Variants in ZNF462 observed in about 807,000 individuals in gnomAD.
The protein encoded by ZNF462 is zinc finger PBX1-interacting protein.
In ZNF462, 10 loss-of-function variants were observed where a neutral mutation model predicts 201.9. The observed-to-expected ratio is 0.05, with a 90% CI of 0.03 to 0.08. The LOEUF (loss-of-function observed/expected upper bound fraction) is 0.08. Among genes scored for constraint, ZNF462 ranks in the 10% least tolerant of loss-of-function variants. The pLI, the probability that ZNF462 is intolerant of heterozygous loss-of-function variation, is 1.00. For missense variants in ZNF462, 2,523 were observed against 3,168.3 expected (o/e 0.80, Z 4.89); for synonymous variants, 1,227 against 1,193.3 (o/e 1.03, Z -0.58).
In ZNF462 at chr9:107,003,209, A is replaced by G; in HGVS notation, c.7057-85A>G. 6.5e-7 allele frequency: 1 copy of G among 1,542,102 alleles called. No homozygotes were observed. The highest frequency in any genetic ancestry group is 1.3e-5 in the South Asian group (1 of 78,938). On this transcript the variant is annotated intron_variant, in intron 10 of 12. Transcript: ENST00000277225. This position sits in a 1 kb window ranked among gnomAD's most constrained non-coding sequence, Gnocchi z 4.4. ...GTTGCAAAACCACAGTCACAGGAAAATGATGTTAGAAAGATCTCTCCATCA... is the reference window on the plus strand; with the variant it reads ...GTTGCAAAACCACAGTCACAGGAAAGTGATGTTAGAAAGATCTCTCCATCA...
intron 7 of ZNF462, among the ~76,000 whole-genome samples, chr9:106,940,434 C>T (rs1393420039): frequency 6.6e-6 from 1 of 152,154 alleles, no homozygotes; most frequent in Non-Finnish European, 1.5e-5. Context: ...TCAACATGGT[C>T]TAATTCTCAG....
chr9:106,897,692 C>G (rs1286214735), intron 1 of ZNF462, among the ~76,000 whole-genome samples: 1 of 152,088 alleles, frequency 6.6e-6, no homozygotes, highest in Non-Finnish European at 1.5e-5. Context: ...ATAATATGCA[C>G]AAGGATATGA....
rs1418480372 is a variant in ZNF462, at chr9:106,974,490, A to G, written c.6832+217A>G. Reference sequence around the variant, plus strand: ...CTCCACCTGGAGGGAGGCAAAGGTGATGGATTCTGCAGTGAACATTTCCGT... The same window carrying G: ...CTCCACCTGGAGGGAGGCAAAGGTGGTGGATTCTGCAGTGAACATTTCCGT... On this transcript the variant is annotated intron_variant, in intron 9 of 12. Coordinates refer to ENST00000277225, the MANE Select transcript of ZNF462 (RefSeq NM_021224.6). The surrounding 1 kb of genome is among the most constrained non-coding windows in gnomAD (Gnocchi z 4.0). 1.1e-5 allele frequency: 7 copies of G among 657,612 alleles called. No homozygotes were observed. The highest frequency in any genetic ancestry group is 1.9e-5 in the Non-Finnish European group (7 of 375,008). The allele number at this position is 657,612 out of a possible 1,614,324, so 40.7% of individuals were successfully genotyped here. A position where few individuals can be genotyped will look rare whatever the true frequency, so the allele number is the denominator to read the frequency against.
At position 107,009,717 on chromosome 9, in the gene ZNF462, G is replaced by A; in HGVS notation, c.7313+49G>A. The A allele has an allele frequency of 7.2e-7, 1 of 1,389,234 alleles. No homozygotes were observed. Among genetic ancestry groups the A allele is most frequent in the Non-Finnish European group, 1.0e-6 (1 of 994,092 alleles). 86.1% of individuals were successfully genotyped at this position (1,389,234 alleles called of 1,614,324 possible). A position where few individuals can be genotyped will look rare whatever the true frequency, so the allele number is the denominator to read the frequency against. ...GCCTTTGTCCAAAGCAAGAGGTAGG[G>A]AGGGAGGGAGGGGCTCTTGTTTTGG... On this transcript the variant is annotated intron_variant, in intron 12 of 12. Coordinates refer to ENST00000277225, the MANE Select transcript of ZNF462 (RefSeq NM_021224.6). The surrounding 1 kb of genome is among the most constrained non-coding windows in gnomAD (Gnocchi z 6.1).
rs1225669195 is a variant in ZNF462 at position 106,920,634 on chromosome 9, T to A, written c.-30-2720T>A. Among the ~76,000 whole-genome samples the A allele has an allele frequency of 6.6e-6, 1 of 152,220 alleles. No homozygotes were observed. Among genetic ancestry groups the A allele is most frequent in the East Asian group, 1.9e-4 (1 of 5,198 alleles). ...TCTTTTTCCAAATCAGTGACTCTTT[T>A]TCTGATCTCATAACCCTTTAATCTC... On this transcript the variant is annotated intron_variant, in intron 1 of 12. Transcript: ENST00000277225. The surrounding 1 kb of genome is among the most constrained non-coding windows in gnomAD (Gnocchi z 4.3).
At chr9:106,956,097 A>G (rs1831560861) in intron 7 of ZNF462, among the ~76,000 whole-genome samples, 1 of 152,084 alleles carries the variant, frequency 6.6e-6, no homozygotes, top group African/African-American at 2.4e-5. Context: ...AAAGTGTTTT[A>G]TTTTACTTTG....
In ZNF462 at chr9:106,938,860, T is replaced by G. The variant is rs1230706202; in HGVS notation, c.6236-56T>G. 6.5e-7 allele frequency: 1 copy of G among 1,531,344 alleles called. No individual in the cohort carries two copies. Among genetic ancestry groups the G allele is most frequent in the Non-Finnish European group, 8.8e-7 (1 of 1,133,530 alleles). The allele number at this position is 1,531,344 out of a possible 1,614,324, so 94.9% of individuals were successfully genotyped here. A position where few individuals can be genotyped will look rare whatever the true frequency, so the allele number is the denominator to read the frequency against. On this transcript the variant is annotated intron_variant, in intron 6 of 12. Coordinates refer to ENST00000277225, the MANE Select transcript of ZNF462 (RefSeq NM_021224.6). This position sits in a 1 kb window ranked among gnomAD's most constrained non-coding sequence, Gnocchi z 4.4. ...GAGTTATCTTGTTTCCACCCTGGCC[T>G]TATACCCTTCTCCCCTCTTTTTCCT...
chr9:106,999,944 G>A (rs1439987023), intron 10 of ZNF462, among the ~76,000 whole-genome samples: 2 of 152,064 alleles, frequency 1.3e-5, no homozygotes, highest in East Asian at 1.9e-4. Context: ...ACTGGGGAGG[G>A]GCAGGCCATA....
At chr9:106,971,863 C>G in intron 7 of ZNF462, 142 bp from the exon 8 acceptor site, 1 of 1,013,872 alleles carries the variant, frequency 9.9e-7, no homozygotes, top group African/African-American at 1.6e-5. Context: ...TCTTGTACAC[C>G]TTAAGTATAA....
At chr9:106,915,811 G>A (rs1829748493) in intron 1 of ZNF462, among the ~76,000 whole-genome samples, 1 of 152,174 alleles carries the variant, frequency 6.6e-6, no homozygotes, top group Non-Finnish European at 1.5e-5. Flanking sequence ...TATCCTCACA[G>A]GGTAGTTATA....
chr9:106,870,574 A>G lies in ZNF462; in HGVS notation c.-31+7219A>G, dbSNP rs532566227. Among the ~76,000 whole-genome samples the G allele has an allele frequency of 1.1e-4, 17 of 152,222 alleles. No homozygotes were observed. Among genetic ancestry groups the G allele is most frequent in the African/African-American group, 2.4e-5 (1 of 41,438 alleles). On this transcript the variant is annotated intron_variant, in intron 1 of 12. Transcript: ENST00000277225. The surrounding 1 kb of genome is among the most constrained non-coding windows in gnomAD (Gnocchi z 4.3). ...TATTTGCTAGACCTTCACATAGACA[A>G]ATTTTAACAAAGACCACACCAGGAA...
At chr9:106,934,872 T>C (rs1444602127) in intron 5 of ZNF462, among the ~76,000 whole-genome samples, 1 of 152,144 alleles carries the variant, frequency 6.6e-6, no homozygotes, top group Non-Finnish European at 1.5e-5. Flanking sequence ...ACAGCAAACA[T>C]GGTTGTGTGT....
intron 10 of ZNF462, among the ~76,000 whole-genome samples, chr9:106,999,218 A>G (rs886098489): frequency 6.6e-6 from 1 of 152,138 alleles, no homozygotes; most frequent in African/African-American, 2.4e-5. Flanking sequence ...CTTTAGAGGA[A>G]ACAAGTGTGT....
At chr9:106,997,607 AT>A (rs1457138311) in intron 10 of ZNF462, among the ~76,000 whole-genome samples, 2 of 152,130 alleles carry the variant, frequency 1.3e-5, no homozygotes, top group African/African-American at 4.8e-5. Flanking sequence ...AGAATTCAAG[AT>A]TTTTTTACCT....
intron 1 of ZNF462, among the ~76,000 whole-genome samples, chr9:106,914,423 A>C (rs1370170199): frequency 6.6e-6 from 1 of 152,216 alleles, no homozygotes; most frequent in African/African-American, 2.4e-5. Flanking sequence ...AACTGCCTGC[A>C]GATACTGCCA....
At chr9:107,002,132 T>A (rs961102004) in intron 10 of ZNF462, among the ~76,000 whole-genome samples, 1 of 152,208 alleles carries the variant, frequency 6.6e-6, no homozygotes, top group African/African-American at 2.4e-5. Context: ...TGGAATTGTC[T>A]TGTAAATTAT....
rs1474704195 is a variant in ZNF462, at chr9:106,962,948, A to G, written c.6428-9057A>G. On this transcript the variant is annotated intron_variant, in intron 7 of 12. Coordinates refer to ENST00000277225, the MANE Select transcript of ZNF462 (RefSeq NM_021224.6). This position sits in a 1 kb window ranked among gnomAD's most constrained non-coding sequence, Gnocchi z 4.6. ...TTGGCCTGGAGATTTTCAAGGCATAATCAAAAGAAGGAAATAAAATAATGT... is the reference window on the plus strand; with the variant it reads ...TTGGCCTGGAGATTTTCAAGGCATAGTCAAAAGAAGGAAATAAAATAATGT... Among the ~76,000 whole-genome samples, 1 of 152,080 alleles carries G rather than the reference A, an allele frequency of 6.6e-6. No homozygotes were observed. The highest frequency in any genetic ancestry group is 2.4e-5 in the African/African-American group (1 of 41,442).
At chr9:106,991,838 C>CCACACACACACA (rs774752725) in intron 10 of ZNF462, among the ~76,000 whole-genome samples, 8 of 128,230 alleles carry the variant, frequency 6.2e-5, no homozygotes, top group Non-Finnish European at 1.0e-4. Flanking sequence ...ACAGCACTCT[C>CCACACACACACA]TACACACACA....
chr9:106,928,452 G>A lies in ZNF462; in HGVS notation c.4540G>A (p.Val1514Ile), dbSNP rs780560264. The change falls in exon 3 of 13, where the codon GTC becomes ATC. Residue 1514 changes from valine (V) to isoleucine (I), a missense_variant. Val to Ile is a conservative substitution (Grantham distance 29). Coordinates refer to ENST00000277225, the MANE Select transcript of ZNF462 (RefSeq NM_021224.6). The surrounding 1 kb of genome is among the most constrained non-coding windows in gnomAD (Gnocchi z 9.3). ...GGACATTGACATCAACCCAGGTGCC[G>A]TCTACAAATGCAGGCATTGCCCATA... ...AQDIDINPGA[V>I]YKCRHCPYIN... is the part of the protein sequence containing the mutation. The A allele has an allele frequency of 1.3e-5, 21 of 1,613,986 alleles. No homozygotes were observed. Among genetic ancestry groups the A allele is most frequent in the Middle Eastern group, 1.6e-4 (1 of 6,084 alleles).
Sources: gnomAD v4.1 joint callset for allele counts (sites outside exome capture counted in the v4.1 genomes callset) on GRCh38, gnomAD v4.1.1 for gene constraint, Gnocchi (gnomAD v3.1) non-coding constraint, MANE v1.5 for transcripts, NCBI Gene and HGNC (gene_info 2026-07-23, HGNC 2026-07-21) for gene names.